The following NOP9 variants were observed in gnomAD, a reference collection of about 807,000 sequenced individuals.
NOP9 encodes NOP9 nucleolar protein.
In NOP9, 50 loss-of-function variants were observed where a neutral mutation model predicts 63.0. The ratio of observed to expected loss-of-function variants is 0.79; its 90% CI spans 0.63 to 1.00. The LOEUF (loss-of-function observed/expected upper bound fraction) is 1.00, where lower values mean the gene tolerates loss of function less well. Ranked by LOEUF, NOP9 falls within the 50% of genes least tolerant of loss-of-function variation. NOP9 has a pLI of 0.00. For synonymous variants in NOP9, 343 were observed against 332.8 expected, an observed-to-expected ratio of 1.03 and a Z score of -0.33; for missense variants, 758 against 803.0, an observed-to-expected ratio of 0.94 and a Z score of 0.68.
Position 24,305,200 on chromosome 14 carries a change from T to C in NOP9, c.*105T>C, listed in dbSNP as rs1288502119. 3.2e-5 allele frequency: 37 copies of C among 1,148,432 alleles called. No individual in the cohort carries two copies. The highest frequency in any genetic ancestry group is 4.1e-5 in the Non-Finnish European group (35 of 862,108). 71.1% of individuals were successfully genotyped at this position (1,148,432 alleles called of 1,614,324 possible). A position where few individuals can be genotyped will look rare whatever the true frequency, so the allele number is the denominator to read the frequency against. ...GAGTCAGAAGTCTTAGTGGTAAATA[T>C]TTGATATTTTTATTGGAAATGTTTT... On this transcript the variant is annotated 3_prime_UTR_variant, in exon 10 of 10. Coordinates refer to ENST00000267425, the MANE Select transcript of NOP9 (RefSeq NM_174913.3).
In NOP9 at chr14:24,305,508, A is replaced by C. The variant is rs1021291956; in HGVS notation, c.*413A>C. The C allele has an allele frequency of 4.7e-4, 557 of 1,182,020 alleles. No homozygotes were observed. Among genetic ancestry groups the C allele is most frequent in the Non-Finnish European group, 6.3e-4 (523 of 836,342 alleles). 73.2% of individuals were successfully genotyped at this position (1,182,020 alleles called of 1,614,324 possible). On this transcript the variant is annotated 3_prime_UTR_variant, in exon 10 of 10. Coordinates refer to ENST00000267425, the MANE Select transcript of NOP9 (RefSeq NM_174913.3). ...AAAGGTTCTGTCACGAGGGGATCAG[A>C]GGACAGTGGGGAAATTGGGTGGGTT...
chr14:24,278,995 C>A, the NOP9 span, among the ~76,000 whole-genome samples: 1 of 152,306 alleles, frequency 6.6e-6, no homozygotes, highest in East Asian at 1.9e-4. Context: ...ATTGATTCTG[C>A]ATATCTTGAG....
Position 24,306,651 on chromosome 14 carries a change from T to G in NOP9, c.*1556T>G. On this transcript the variant is annotated 3_prime_UTR_variant, in exon 10 of 10. Coordinates refer to ENST00000267425, the MANE Select transcript of NOP9 (RefSeq NM_174913.3). The stretch of plus-strand genomic sequence containing the variant: ...CCACTTTGACTTTCCGGCACTTTGA[T>G]ACCTCCTAAAGGTTGCAGCTCTCCG... 1 of 1,157,588 alleles carries G rather than the reference T, an allele frequency of 8.6e-7. No homozygotes were observed. The highest frequency in any genetic ancestry group is 1.3e-6 in the Non-Finnish European group (1 of 799,972). 71.7% of individuals were successfully genotyped at this position (1,157,588 alleles called of 1,614,324 possible). A position where few individuals can be genotyped will look rare whatever the true frequency, so the allele number is the denominator to read the frequency against.
the NOP9 span, chr14:24,291,589 A>AC: frequency 2.5e-6 from 4 of 1,614,200 alleles, no homozygotes; most frequent in Non-Finnish European, 3.4e-6. Context: ...TTGCCACTCA[A>AC]TTCTGTGGTT....
chr14:24,274,036 A>G, the NOP9 span, among the ~76,000 whole-genome samples: 37 of 152,316 alleles, frequency 2.4e-4, 2 homozygotes, highest in South Asian at 7.5e-3. Flanking sequence ...GCTCAGAAAG[A>G]TTAAGTAACT....
the NOP9 span, among the ~76,000 whole-genome samples, chr14:24,277,640 C>T: frequency 6.6e-6 from 1 of 152,244 alleles, no homozygotes; most frequent in African/African-American, 2.4e-5. Flanking sequence ...GGCCGCACAG[C>T]CAGAAGCAAT....
At chr14:24,304,648 C>G (rs781186930) in intron 9 of NOP9, 50 bp downstream of exon 9, 1 of 1,355,878 alleles carries the variant, frequency 7.4e-7, no homozygotes, top group South Asian at 1.3e-5. Flanking sequence ...CCCTCTCTTA[C>G]TCCAGATCAC....
chr14:24,304,790 GC>G, intron 9 of NOP9, 147 bp from the exon 10 acceptor site: 1 of 995,378 alleles, frequency 1.0e-6, no homozygotes. Context: ...CCCTCACCCT[GC>G]CCTCTGACTT....
the NOP9 span, chr14:24,271,245 G>A: frequency 4.8e-6 from 6 of 1,260,070 alleles, no homozygotes; most frequent in Admixed American, 2.9e-5. Context: ...AGCAGCAAGC[G>A]TGCCTGGGCA....
rs2041333392 is a variant in NOP9, at chr14:24,299,867, T to C, written c.-88T>C. The C allele has an allele frequency of 9.0e-6, 13 of 1,449,446 alleles. No individual in the cohort carries two copies. In the South Asian group the frequency reaches 1.0e-4, roughly 11 times the overall value. 89.8% of individuals were successfully genotyped at this position (1,449,446 alleles called of 1,614,324 possible). Reference sequence around the variant, plus strand: ...AGGAGCGCGCCCGCGTTTCTAAACTTTGTCTGGATAAGGCGCACGCTTGGC... The same window carrying C: ...AGGAGCGCGCCCGCGTTTCTAAACTCTGTCTGGATAAGGCGCACGCTTGGC... On this transcript the variant is annotated 5_prime_UTR_variant, in exon 1 of 10. Transcript: ENST00000267425.
chr14:24,303,668 C>T, intron 6 of NOP9, 64 bp from the exon 7 acceptor site: 1 of 1,560,702 alleles, frequency 6.4e-7, no homozygotes, highest in Non-Finnish European at 8.8e-7. Context: ...GAAGGTGTTC[C>T]CTTAAAGTTG....
rs1243347632 is a variant in NOP9 at position 24,304,556 on chromosome 14, G to A, written c.1711G>A (p.Gly571Arg). 6.2e-7 allele frequency: 1 copy of A among 1,613,690 alleles called. No homozygotes were observed. Among genetic ancestry groups the A allele is most frequent in the Non-Finnish European group, 8.5e-7 (1 of 1,179,894 alleles). The change falls in exon 9 of 10, where the codon GGA becomes AGA. Residue 571 changes from glycine (G) to arginine (R), a missense_variant. By Grantham distance (125) the Gly-to-Arg change is moderately radical. Coordinates refer to ENST00000267425, the MANE Select transcript of NOP9 (RefSeq NM_174913.3). The part of the protein sequence containing the change: ...GSRVLDAIWS[G>R]AALRARKEIA... ...CCGTGTGCTAGATGCCATCTGGAGT[G>A]GAGCAGCCTTGAGGGCCCGGAAGGA... is the stretch of plus-strand genomic sequence containing the variant.
rs765905923 is a variant in NOP9, at chr14:24,306,079, G to A, written c.*984G>A. 1.2e-6 allele frequency: 2 copies of A among 1,614,116 alleles called. No homozygotes were observed. Among genetic ancestry groups the A allele is most frequent in the South Asian group, 2.2e-5 (2 of 91,082 alleles). On this transcript the variant is annotated 3_prime_UTR_variant, in exon 10 of 10. Transcript: ENST00000267425. ...CTTGTACACGTCAAAGGTGAATCGG[G>A]CGATGTCCTTGCTGTGCTTGGGCCT...
At chr14:24,280,883 C>T in the NOP9 span, among the ~76,000 whole-genome samples, 246 of 152,244 alleles carry the variant, frequency 1.6e-3, no homozygotes, top group African/African-American at 5.6e-3. Flanking sequence ...ATCTTAGAGC[C>T]CAGGGCAGGG....
the NOP9 span, among the ~76,000 whole-genome samples, chr14:24,273,907 C>G: frequency 2.0e-5 from 3 of 152,198 alleles, no homozygotes; most frequent in Non-Finnish European, 2.9e-5. Flanking sequence ...AAAATATTAT[C>G]TAGCTGCTGC....
At chr14:24,287,210 G>C in the NOP9 span, among the ~76,000 whole-genome samples, 2 of 152,206 alleles carry the variant, frequency 1.3e-5, no homozygotes, top group South Asian at 4.1e-4. Flanking sequence ...TGCTTTCAAG[G>C]CTGGCACCTG....
At chr14:24,275,735 C>A in the NOP9 span, among the ~76,000 whole-genome samples, 55 of 152,370 alleles carry the variant, frequency 3.6e-4, no homozygotes, top group African/African-American at 1.3e-3. Flanking sequence ...GCAGGGGGAG[C>A]AAGTGCGAGA....
Position 24,307,693 on chromosome 14 carries a change from C to T in NOP9, c.*2598C>T. 7.8e-7 allele frequency: 1 copy of T among 1,279,756 alleles called. No individual in the cohort carries two copies. Among genetic ancestry groups the T allele is most frequent in the Non-Finnish European group, 1.1e-6 (1 of 903,312 alleles). The allele number at this position is 1,279,756 out of a possible 1,614,324, so 79.3% of individuals were successfully genotyped here. A position where few individuals can be genotyped will look rare whatever the true frequency, so the allele number is the denominator to read the frequency against. On this transcript the variant is annotated 3_prime_UTR_variant, in exon 10 of 10. Transcript: ENST00000267425. ...GCGGGTGGCTCAGGAGCTTGACAAGCCCACTGTGGAGTGGGGAGCAGGAGA... is the reference window on the plus strand; with the variant it reads ...GCGGGTGGCTCAGGAGCTTGACAAGTCCACTGTGGAGTGGGGAGCAGGAGA...
At chr14:24,280,462 G>A in the NOP9 span, among the ~76,000 whole-genome samples, 5 of 152,274 alleles carry the variant, frequency 3.3e-5, no homozygotes, top group Admixed American at 6.5e-5. Flanking sequence ...TGGGTGCAGC[G>A]CCCCACTTCT....
Sources: allele counts gnomAD v4.1 joint callset (sites outside exome capture counted in the v4.1 genomes callset), GRCh38; gene constraint gnomAD v4.1.1; transcripts MANE v1.5; gene names NCBI Gene and HGNC (gene_info 2026-07-23, HGNC 2026-07-21).